GNAL: variants seen among roughly 807,000 people sequenced by gnomAD.
GNAL encodes the protein guanine nucleotide-binding protein G(olf) subunit alpha.
GNAL carries 18 observed loss-of-function variants against 55.1 expected under a neutral mutation model. That is an observed-to-expected ratio of 0.33 (90% confidence interval 0.23 to 0.48). The LOEUF (loss-of-function observed/expected upper bound fraction) is 0.48, where lower values mean the gene tolerates loss of function less well. GNAL is among the 20% of genes least tolerant of loss of function. The probability of loss-of-function intolerance (pLI) is 0.99; values close to 1 mark genes in which losing one functional copy is unlikely to be tolerated. For missense variants in GNAL, 412 were observed against 614.1 expected, an observed-to-expected ratio of 0.67 and a Z score of 3.48; for synonymous variants, 253 against 237.0, an observed-to-expected ratio of 1.07 and a Z score of -0.62.
intron 1 of GNAL, among the ~76,000 whole-genome samples, chr18:11,696,161 A>G (rs1381162853): frequency 6.6e-6 from 1 of 152,156 alleles, no homozygotes; most frequent in Non-Finnish European, 1.5e-5. Flanking sequence ...AAGTCAGAAG[A>G]AATCCCAGTA....
Position 11,885,156 on chromosome 18 carries a change from T to G in GNAL, c.*4021T>G. The G allele has an allele frequency of 1.3e-6, 1 of 791,314 alleles. No homozygotes were observed. The highest frequency in any genetic ancestry group is 1.7e-6 in the Non-Finnish European group (1 of 585,868). The allele number at this position is 791,314 out of a possible 1,614,324, so 49.0% of individuals were successfully genotyped here. On this transcript the variant is annotated 3_prime_UTR_variant, in exon 12 of 12. Coordinates refer to ENST00000334049, the MANE Select transcript of GNAL (RefSeq NM_182978.4). ...ACTTTGAATTTGAAAATGTTAGGGT[T>G]TCCTCCACCTTTTTATGAAGTAAAA...
chr18:11,695,589 ACT>A (rs1368991184), intron 1 of GNAL, among the ~76,000 whole-genome samples: 1 of 152,192 alleles, frequency 6.6e-6, no homozygotes, highest in Non-Finnish European at 1.5e-5. Flanking sequence ...TCTTTCATTG[ACT>A]GTGTTCACTA....
At chr18:11,802,078 ATT>A (rs561481750) in intron 4 of GNAL, among the ~76,000 whole-genome samples, 1 of 151,906 alleles carries the variant, frequency 6.6e-6, no homozygotes, top group Non-Finnish European at 1.5e-5. Context: ...GTTTAGGGAC[ATT>A]TTTTTTCTGG....
chr18:11,860,704 A>G (rs1307641825), intron 5 of GNAL, among the ~76,000 whole-genome samples: 1 of 152,208 alleles, frequency 6.6e-6, no homozygotes, highest in Non-Finnish European at 1.5e-5. Context: ...ATTGTGGGGC[A>G]GTGACTAATG....
At chr18:11,806,731 C>G (rs75820283) in intron 4 of GNAL, among the ~76,000 whole-genome samples, 1 of 139,798 alleles carries the variant, frequency 7.2e-6, no homozygotes, top group Non-Finnish European at 1.6e-5. Context: ...GTGAAGTACT[C>G]TTTTTTTTTT....
At chr18:11,863,871 G>A (rs1165129953) in intron 6 of GNAL, among the ~76,000 whole-genome samples, 2 of 152,194 alleles carry the variant, frequency 1.3e-5, no homozygotes, top group African/African-American at 2.4e-5. Context: ...CCAAGCCATC[G>A]TGAGTTTCAC....
At chr18:11,822,456 T>C (rs1349490316) in intron 4 of GNAL, among the ~76,000 whole-genome samples, 1 of 152,038 alleles carries the variant, frequency 6.6e-6, no homozygotes, top group East Asian at 1.9e-4. Context: ...ATACAAAAAT[T>C]AGCCAGGCGT....
At position 11,881,231 on chromosome 18, in the gene GNAL, G is replaced by A. The variant is rs1378418173; in HGVS notation, c.*96G>A. The A allele has an allele frequency of 1.0e-5, 13 of 1,240,284 alleles. No homozygotes were observed. The highest frequency in any genetic ancestry group is 4.3e-5 in the Admixed American group (2 of 46,124). The allele number at this position is 1,240,284 out of a possible 1,614,324, so 76.8% of individuals were successfully genotyped here. ...GAGGCAGAGTCTCTAGTTCCATCTC[G>A]CTGCCGTCTGTCCCGTTCTGTGTCG... On this transcript the variant is annotated 3_prime_UTR_variant, in exon 12 of 12. Transcript: ENST00000334049. The surrounding 1 kb of genome is among the most constrained non-coding windows in gnomAD (Gnocchi z 4.8).
chr18:11,832,415 A>G (rs1208477369), intron 5 of GNAL, among the ~76,000 whole-genome samples: 1 of 152,154 alleles, frequency 6.6e-6, no homozygotes, highest in Non-Finnish European at 1.5e-5. Context: ...ATCTTTCAGG[A>G]GTTTTCTTGA....
At chr18:11,770,160 G>A (rs973468142) in intron 4 of GNAL, among the ~76,000 whole-genome samples, 27 of 152,008 alleles carry the variant, frequency 1.8e-4, no homozygotes, top group Non-Finnish European at 3.7e-4. Flanking sequence ...AATAAAGTGA[G>A]TTGTACATTT....
chr18:11,759,930 G>A lies in GNAL; in HGVS notation c.624+5985G>A, dbSNP rs188638431. On this transcript the variant is annotated intron_variant, in intron 4 of 11. Transcript: ENST00000334049. ...TTAACCAACCAAGCTGAAGCCCACCGTGTAAATCAGGTCAGCATGAGTTCC... is the reference window on the plus strand; with the variant it reads ...TTAACCAACCAAGCTGAAGCCCACCATGTAAATCAGGTCAGCATGAGTTCC... Among the ~76,000 whole-genome samples, 414 of 152,178 alleles carry A rather than the reference G, an allele frequency of 2.7e-3. 1 individual carries two copies. The highest frequency in any genetic ancestry group is 0.024 in the Middle Eastern group (7 of 294).
At chr18:11,716,130 C>A (rs780076892) in intron 1 of GNAL, among the ~76,000 whole-genome samples, 4 of 152,158 alleles carry the variant, frequency 2.6e-5, no homozygotes, top group African/African-American at 9.7e-5. Context: ...TACCATTCGA[C>A]GCAGCAATCT....
Position 11,797,906 on chromosome 18 carries a change from G to A in GNAL, c.625-27012G>A, listed in dbSNP as rs577168686. Among the ~76,000 whole-genome samples, 15 of 152,332 alleles carry A rather than the reference G, an allele frequency of 9.8e-5. No homozygotes were observed. The South Asian group carries it at 2.9e-3, about 29-fold the overall frequency. On this transcript the variant is annotated intron_variant, in intron 4 of 11. Transcript: ENST00000334049. ...TCAGTGTTTTGGGATCAGCCAGTGA[G>A]CTAGTGTAGTTACATACAGTTGGAG...
chr18:11,762,884 C>T, intron 4 of GNAL, among the ~76,000 whole-genome samples: 1 of 152,166 alleles, frequency 6.6e-6, no homozygotes, highest in East Asian at 1.9e-4. Flanking sequence ...AACCTGCTTC[C>T]AGGTCTCACA....
chr18:11,709,530 G>C (rs1598405621), intron 1 of GNAL, among the ~76,000 whole-genome samples: 1 of 151,852 alleles, frequency 6.6e-6, no homozygotes, highest in East Asian at 1.9e-4. Flanking sequence ...TCTCCTCCTT[G>C]GTTAATTCCT....
chr18:11,758,784 G>A (rs1039944018), intron 4 of GNAL, among the ~76,000 whole-genome samples: 1 of 152,168 alleles, frequency 6.6e-6, no homozygotes, highest in African/African-American at 2.4e-5. Context: ...TGTCTTAGCA[G>A]CCAAATTTTG....
chr18:11,874,223 C>T (rs150490448), intron 10 of GNAL: 1 of 152,382 alleles, frequency 6.6e-6, no homozygotes, highest in East Asian at 2.0e-4. Flanking sequence ...TGTGCCCTGC[C>T]TCTCCCAAGA....
intron 1 of GNAL, among the ~76,000 whole-genome samples, chr18:11,707,606 T>C (rs1408189080): frequency 6.6e-6 from 1 of 152,210 alleles, no homozygotes; most frequent in Non-Finnish European, 1.5e-5. Flanking sequence ...TGATTTCAAC[T>C]TAAAGTTACC....
chr18:11,795,645 G>A (rs1455399447), intron 4 of GNAL, among the ~76,000 whole-genome samples: 3 of 152,160 alleles, frequency 2.0e-5, no homozygotes, highest in Non-Finnish European at 4.4e-5. Context: ...GTTTTAAATA[G>A]TCACTTGCTT....
Sources: gnomAD v4.1 joint callset for allele counts (sites outside exome capture counted in the v4.1 genomes callset) on GRCh38, gnomAD v4.1.1 for gene constraint, Gnocchi (gnomAD v3.1) non-coding constraint, MANE v1.5 for transcripts, NCBI Gene and HGNC (gene_info 2026-07-23, HGNC 2026-07-21) for gene names.